The following PIK3CB variants were observed in gnomAD, a reference collection of about 807,000 sequenced individuals.
The protein encoded by PIK3CB is phosphatidylinositol-4,5-bisphosphate 3-kinase catalytic subunit beta, also known as phosphatidylinositol 4,5-bisphosphate 3-kinase catalytic subunit beta isoform.
A neutral mutation model predicts 136.8 loss-of-function variants in PIK3CB; 39 were observed. The observed-to-expected ratio is 0.29, with a 90% CI of 0.22 to 0.37. The LOEUF (loss-of-function observed/expected upper bound fraction) is 0.37, where lower values mean the gene tolerates loss of function less well. Among genes scored for constraint, PIK3CB ranks in the 10% least tolerant of loss-of-function variants. The pLI is 1.00. For synonymous variants in PIK3CB, 428 were observed against 436.6 expected, an observed-to-expected ratio of 0.98 and a Z score of 0.25; for missense variants, 868 against 1,275.4, an observed-to-expected ratio of 0.68 and a Z score of 4.87.
chr3:138,652,783 T>C lies in PIK3CB; in HGVS notation c.*2606A>G, dbSNP rs1274684124. 4.5e-6 allele frequency: 1 copy of C among 224,350 alleles called. No individual in the cohort carries two copies. The highest frequency in any genetic ancestry group is 2.2e-5 in the African/African-American group (1 of 44,894). 13.9% of individuals were successfully genotyped at this position (224,350 alleles called of 1,614,324 possible). On this transcript the variant is annotated 3_prime_UTR_variant, in exon 24 of 24. Transcript: ENST00000674063. ...GTTTCTAATACAAAGGATAAATGCT[T>C]GAGGTAATGGATACCCCAATTACCC...
chr3:138,693,051 GACTA>G (rs1410524858), intron 14 of PIK3CB, among the ~76,000 whole-genome samples: 1 of 152,130 alleles, frequency 6.6e-6, no homozygotes, highest in Admixed American at 6.6e-5. Flanking sequence ...TAATGGGAGA[GACTA>G]ACCTCAAAAA....
chr3:138,663,579 G>T (rs573751570), intron 21 of PIK3CB, among the ~76,000 whole-genome samples: 1 of 151,864 alleles, frequency 6.6e-6, no homozygotes, highest in East Asian at 1.9e-4. Flanking sequence ...ACGGGGTTTC[G>T]CCATGTTGAC....
At chr3:138,772,633 ATT>A (rs142422129) in intron 2 of PIK3CB, among the ~76,000 whole-genome samples, 31 of 123,136 alleles carry the variant, frequency 2.5e-4, no homozygotes, top group Admixed American at 3.3e-4. Context: ...CATTCTTTTG[ATT>A]TTTTTTTTTT....
At chr3:138,797,396 A>C (rs538363126) in intron 1 of PIK3CB, among the ~76,000 whole-genome samples, 4 of 152,146 alleles carry the variant, frequency 2.6e-5, no homozygotes, top group Non-Finnish European at 5.9e-5. Flanking sequence ...GGACCATCTA[A>C]ATGAGGGGTC....
intron 12 of PIK3CB, among the ~76,000 whole-genome samples, chr3:138,703,824 A>C (rs1198882989): frequency 6.6e-6 from 1 of 152,284 alleles, no homozygotes; most frequent in South Asian, 2.1e-4. Flanking sequence ...TGGCGTGGCT[A>C]AAGACTGCAC....
intron 7 of PIK3CB, among the ~76,000 whole-genome samples, chr3:138,733,888 T>A (rs2045045612): frequency 7.0e-6 from 1 of 142,906 alleles, no homozygotes; most frequent in African/African-American, 3.0e-5. Context: ...AAAAAAAAAA[T>A]TAATTAATTA....
chr3:138,828,783 CTTTTATT>C (rs1576437518), intron 1 of PIK3CB, among the ~76,000 whole-genome samples: 1 of 151,250 alleles, frequency 6.6e-6, no homozygotes, highest in Non-Finnish European at 1.5e-5. Context: ...AAAATTTTAT[CTTTTATT>C]TTTTATTTTT....
At chr3:138,660,833 T>A (rs967725717) in intron 21 of PIK3CB, among the ~76,000 whole-genome samples, 71 of 152,232 alleles carry the variant, frequency 4.7e-4, no homozygotes, top group Non-Finnish European at 8.5e-4. Flanking sequence ...TGTCATTTTT[T>A]AAAAGTATAT....
At chr3:138,708,406 G>T (rs750168631) in intron 10 of PIK3CB, among the ~76,000 whole-genome samples, 1 of 151,100 alleles carries the variant, frequency 6.6e-6, no homozygotes. Context: ...GACCACAGGC[G>T]CATGCCACCA....
rs1313462323 is a variant in PIK3CB at position 138,793,325 on chromosome 3, G to A, written c.-17+3138C>T. ...ATCAAGCTATGTAAGTTTAAACCTC[G>A]CTGGGCATGGTGGCTCACGCCTGTA... is the stretch of plus-strand genomic sequence containing the variant. On this transcript the variant is annotated intron_variant, in intron 2 of 23. Transcript: ENST00000674063. Among the ~76,000 whole-genome samples, 13 of 152,276 alleles carry A rather than the reference G, an allele frequency of 8.5e-5. No individual in the cohort carries two copies. In the South Asian group the frequency reaches 1.9e-3, roughly 22 times the overall value.
At chr3:138,681,412 C>CTT (rs2043779209) in intron 19 of PIK3CB, among the ~76,000 whole-genome samples, 2 of 152,200 alleles carry the variant, frequency 1.3e-5, no homozygotes, top group South Asian at 4.1e-4. Context: ...TCTATGGGCT[C>CTT]TTTAAATATT....
intron 2 of PIK3CB, among the ~76,000 whole-genome samples, chr3:138,776,553 G>C (rs1214478930): frequency 6.6e-6 from 1 of 152,028 alleles, no homozygotes; most frequent in Admixed American, 6.6e-5. Context: ...ACAAAAATTA[G>C]CTGGGCGTGG....
chr3:138,723,574 T>C (rs928473528), intron 8 of PIK3CB, among the ~76,000 whole-genome samples: 10 of 152,060 alleles, frequency 6.6e-5, no homozygotes, highest in Non-Finnish European at 1.3e-4. Context: ...TAATCATGCT[T>C]TATACGGTTA....
intron 11 of PIK3CB, among the ~76,000 whole-genome samples, chr3:138,706,295 C>T (rs1417601907): frequency 6.6e-6 from 1 of 152,182 alleles, no homozygotes. Flanking sequence ...GCTCAGCTCT[C>T]TTAGCATGTA....
At chr3:138,779,526 GGACC>G (rs919365296) in intron 2 of PIK3CB, among the ~76,000 whole-genome samples, 2 of 150,240 alleles carry the variant, frequency 1.3e-5, no homozygotes, top group African/African-American at 4.9e-5. Flanking sequence ...CGAGTAGTTG[GGACC>G]ACAGGTGCAT....
intron 1 of PIK3CB, among the ~76,000 whole-genome samples, chr3:138,828,229 A>T (rs1475983962): frequency 7.9e-6 from 1 of 126,552 alleles, no homozygotes; most frequent in Non-Finnish European, 1.6e-5. Context: ...TCTATCGCCC[A>T]GGCTGGAGTG....
intron 1 of PIK3CB, among the ~76,000 whole-genome samples, chr3:138,829,897 A>T (rs1330239843): frequency 6.6e-6 from 1 of 152,220 alleles, no homozygotes; most frequent in Middle Eastern, 3.2e-3. Context: ...TGAAGGTGTC[A>T]TGTAGGCAGG....
chr3:138,698,132 T>A (rs925353410), intron 13 of PIK3CB, among the ~76,000 whole-genome samples: 4 of 152,210 alleles, frequency 2.6e-5, no homozygotes, highest in Admixed American at 6.5e-5. Flanking sequence ...AAAATGCATA[T>A]AATTAAGATA....
chr3:138,711,805 A>G (rs1559833795), intron 10 of PIK3CB, among the ~76,000 whole-genome samples: 1 of 151,950 alleles, frequency 6.6e-6, no homozygotes, highest in Non-Finnish European at 1.5e-5. Flanking sequence ...GTATGTTTAA[A>G]ATACTAACTT....
Sources: gnomAD v4.1 joint callset for allele counts (sites outside exome capture counted in the v4.1 genomes callset) on GRCh38, gnomAD v4.1.1 for gene constraint, MANE v1.5 for transcripts, NCBI Gene and HGNC (gene_info 2026-07-23, HGNC 2026-07-21) for gene names.